Variants in THRB observed in about 807,000 individuals in gnomAD.
THRB encodes thyroid hormone receptor beta.
In THRB, 12 loss-of-function variants were observed where a neutral mutation model predicts 47.8. That is an observed-to-expected ratio of 0.25 (90% CI 0.16 to 0.41). The LOEUF (loss-of-function observed/expected upper bound fraction) is 0.41. THRB is among the 10% of genes least tolerant of loss of function. The pLI, the probability that THRB is intolerant of heterozygous loss-of-function variation, is 1.00. For missense variants in THRB, 348 were observed against 589.2 expected, an observed-to-expected ratio of 0.59 and a Z score of 4.24; for synonymous variants, 218 against 212.2, an observed-to-expected ratio of 1.03 and a Z score of -0.24.
intron 5 of THRB, among the ~76,000 whole-genome samples, chr3:24,181,511 A>G (rs2041892554): frequency 6.6e-6 from 1 of 152,260 alleles, no homozygotes; most frequent in African/African-American, 2.4e-5. Flanking sequence ...CTTTGGGGAT[A>G]TCTTGATAGC....
intron 1 of THRB, among the ~76,000 whole-genome samples, chr3:24,361,204 T>C (rs781110659): frequency 6.6e-6 from 1 of 152,218 alleles, no homozygotes; most frequent in Non-Finnish European, 1.5e-5. Flanking sequence ...TAAAGGGATA[T>C]GGGATACTCA....
intron 1 of THRB, among the ~76,000 whole-genome samples, chr3:24,350,729 A>G (rs1488130514): frequency 1.3e-5 from 2 of 152,310 alleles, no homozygotes; most frequent in Admixed American, 1.3e-4. Context: ...TGGTGATCAT[A>G]TAGGTGGATT....
In THRB at chr3:24,333,139, G is replaced by C. The variant is rs911036663; in HGVS notation, c.-189+4161C>G. 8.6e-5 allele frequency among the ~76,000 whole-genome samples: 13 copies of C among 151,984 alleles called. No individual in the cohort carries two copies. The East Asian group carries it at 2.5e-3, about 29-fold the overall frequency. On this transcript the variant is annotated intron_variant, in intron 2 of 10. Coordinates refer to ENST00000646209, the MANE Select transcript of THRB (RefSeq NM_001354712.2). ...AAGAAACAAAAAAACCTGAAACCCG[G>C]ATATATTTTCTAACTTGTGAACAGC...
intron 5 of THRB, among the ~76,000 whole-genome samples, chr3:24,159,656 C>T (rs1247089351): frequency 3.3e-5 from 5 of 151,942 alleles, no homozygotes; most frequent in African/African-American, 1.2e-4. Context: ...CAGTGGTCCT[C>T]GAGTGGGGAT....
chr3:24,166,717 GC>G (rs1212542898), intron 5 of THRB, among the ~76,000 whole-genome samples: 1 of 152,096 alleles, frequency 6.6e-6, no homozygotes, highest in African/African-American at 2.4e-5. Flanking sequence ...TCAGGGCTCG[GC>G]CTCAGGTGGT....
chr3:24,247,451 T>C (rs929545839), intron 3 of THRB, among the ~76,000 whole-genome samples: 1 of 152,142 alleles, frequency 6.6e-6, no homozygotes, highest in Non-Finnish European at 1.5e-5. Context: ...CATTTTACAG[T>C]TGGGGGAACT....
At chr3:24,475,314 T>C (rs1398286456) in intron 1 of THRB, among the ~76,000 whole-genome samples, 1 of 152,124 alleles carries the variant, frequency 6.6e-6, no homozygotes, top group Non-Finnish European at 1.5e-5. Flanking sequence ...AAACACAATA[T>C]TGAAGAACTA....
At chr3:24,489,553 G>T (rs987363685) in intron 1 of THRB, among the ~76,000 whole-genome samples, 16 of 152,182 alleles carry the variant, frequency 1.1e-4, no homozygotes, top group Non-Finnish European at 1.6e-4. Context: ...GACAGTCAAG[G>T]TTCCTAGGTC....
At chr3:24,272,368 C>CA (rs1304377168) in intron 3 of THRB, among the ~76,000 whole-genome samples, 1 of 151,280 alleles carries the variant, frequency 6.6e-6, no homozygotes, top group Admixed American at 6.6e-5. Context: ...ACAACAACAA[C>CA]AACAAACAAA....
intron 5 of THRB, among the ~76,000 whole-genome samples, chr3:24,170,191 C>A (rs1472133608): frequency 6.6e-6 from 1 of 152,176 alleles, no homozygotes; most frequent in African/African-American, 2.4e-5. Context: ...CACCTGGGAG[C>A]TTAAGCAAAT....
intron 1 of THRB, among the ~76,000 whole-genome samples, chr3:24,394,415 G>A (rs1577291417): frequency 2.6e-5 from 4 of 152,168 alleles, no homozygotes; most frequent in Admixed American, 2.0e-4. Flanking sequence ...CCATCTGGTG[G>A]CCTGGCTGAT....
At chr3:24,409,163 C>T (rs565040533) in intron 1 of THRB, among the ~76,000 whole-genome samples, 2 of 151,842 alleles carry the variant, frequency 1.3e-5, no homozygotes, top group South Asian at 4.2e-4. Flanking sequence ...GAGTGAAATA[C>T]GATGACTCAA....
chr3:24,232,081 C>G (rs1415906514), intron 3 of THRB, among the ~76,000 whole-genome samples: 1 of 152,142 alleles, frequency 6.6e-6, no homozygotes, highest in East Asian at 1.9e-4. Flanking sequence ...CAGTTAGATC[C>G]AGTGAGGGTC....
At chr3:24,186,894 G>A (rs764669242) in intron 5 of THRB, among the ~76,000 whole-genome samples, 6 of 133,596 alleles carry the variant, frequency 4.5e-5, no homozygotes, top group Non-Finnish European at 6.1e-5. Flanking sequence ...GCAGTGAGCC[G>A]AGATTGCGCC....
chr3:24,494,158 G>A (rs919268521), intron 1 of THRB: 1 of 152,278 alleles, frequency 6.6e-6, no homozygotes, highest in African/African-American at 2.4e-5. Context: ...GGGAGTTCCG[G>A]GGCAGGCGAA....
chr3:24,203,958 G>A (rs1318418400), intron 4 of THRB, among the ~76,000 whole-genome samples: 3 of 152,258 alleles, frequency 2.0e-5, no homozygotes, highest in Admixed American at 2.0e-4. Context: ...AAGGCTGGGG[G>A]AGGGGCACCC....
intron 4 of THRB, among the ~76,000 whole-genome samples, chr3:24,209,765 G>A (rs1177319236): frequency 6.6e-6 from 1 of 152,068 alleles, no homozygotes; most frequent in Non-Finnish European, 1.5e-5. Flanking sequence ...GATGGCACAT[G>A]TATACAAAAT....
chr3:24,426,805 A>C (rs1211918577), intron 1 of THRB, among the ~76,000 whole-genome samples: 2 of 151,974 alleles, frequency 1.3e-5, no homozygotes, highest in Non-Finnish European at 2.9e-5. Flanking sequence ...ATTTTATCAG[A>C]TGAAACTCCC....
At chr3:24,431,271 C>CT (rs1174603162) in intron 1 of THRB, among the ~76,000 whole-genome samples, 39 of 150,222 alleles carry the variant, frequency 2.6e-4, no homozygotes, top group East Asian at 1.2e-3. Flanking sequence ...TACACACACA[C>CT]ACACACACAC....
Sources: gnomAD v4.1 joint callset for allele counts (sites outside exome capture counted in the v4.1 genomes callset) on GRCh38, gnomAD v4.1.1 for gene constraint, MANE v1.5 for transcripts, NCBI Gene and HGNC (gene_info 2026-07-23, HGNC 2026-07-21) for gene names.